The following NFIB variants were observed in gnomAD, a reference collection of about 807,000 sequenced individuals.
NFIB encodes the protein nuclear factor 1 B-type.
A neutral mutation model predicts 61.5 loss-of-function variants in NFIB; 11 were observed. That is an observed-to-expected ratio of 0.18 (90% CI 0.11 to 0.30). NFIB has a LOEUF of 0.30. Ranked by LOEUF, NFIB falls within the 10% of genes least tolerant of loss-of-function variation. The pLI is 1.00. For missense variants in NFIB, 471 were observed against 608.9 expected (o/e 0.77, Z 2.38); for synonymous variants, 260 against 216.5 (o/e 1.20, Z -1.76).
intron 2 of NFIB, among the ~76,000 whole-genome samples, chr9:14,259,504 G>A (rs980489331): frequency 6.6e-6 from 1 of 152,180 alleles, no homozygotes; most frequent in East Asian, 1.9e-4. Context: ...GGTATGAAGA[G>A]GGAGAAGTTT....
At position 14,136,866 on chromosome 9, in the gene NFIB, T is replaced by A. The variant is rs545043600; in HGVS notation, c.925+9823A>T. On this transcript the variant is annotated intron_variant, in intron 6 of 10. Transcript: ENST00000380953. ...ATTACTCTGCACAATATTCTGTTGC[T>A]CTTAATGGAAAAGTAGTCAAAATTG... 9.7e-4 allele frequency among the ~76,000 whole-genome samples: 148 copies of A among 152,304 alleles called. 1 individual carries two copies. Among genetic ancestry groups the A allele is most frequent in the Non-Finnish European group, 1.7e-3 (115 of 68,022 alleles).
the NFIB span, among the ~76,000 whole-genome samples, chr9:14,488,829 T>C: frequency 2.1e-4 from 32 of 152,326 alleles, no homozygotes; most frequent in African/African-American, 7.5e-4. Context: ...CTGAAACTTT[T>C]AAAAAATGAG....
the NFIB span, among the ~76,000 whole-genome samples, chr9:14,426,755 T>G: frequency 6.6e-6 from 1 of 152,174 alleles, no homozygotes; most frequent in African/African-American, 2.4e-5. Context: ...CTTCTCTGAC[T>G]GCTTTGATAT....
chr9:14,444,726 GAA>G, the NFIB span, among the ~76,000 whole-genome samples: 1 of 152,038 alleles, frequency 6.6e-6, no homozygotes, highest in Non-Finnish European at 1.5e-5. Context: ...AAAAAATTGT[GAA>G]ATATGTCAGA....
intron 2 of NFIB, among the ~76,000 whole-genome samples, chr9:14,242,273 A>G (rs2054446350): frequency 6.6e-6 from 1 of 152,246 alleles, no homozygotes; most frequent in Non-Finnish European, 1.5e-5. Context: ...ATTAAAAAAC[A>G]AATTACAAAT....
chr9:14,374,460 GA>G (rs2061394002), intron 1 of NFIB, among the ~76,000 whole-genome samples: 1 of 152,180 alleles, frequency 6.6e-6, no homozygotes, highest in Admixed American at 6.5e-5. Flanking sequence ...ATGTCCCCTA[GA>G]GTCATCTTGT....
intron 3 of NFIB, among the ~76,000 whole-genome samples, chr9:14,172,604 TAAC>T (rs1255561541): frequency 1.3e-5 from 2 of 152,262 alleles, no homozygotes; most frequent in Non-Finnish European, 2.9e-5. Context: ...AATAGGCTTA[TAAC>T]AACATTTGCT....
intron 2 of NFIB, among the ~76,000 whole-genome samples, chr9:14,277,064 G>C (rs2058051687): frequency 6.6e-6 from 1 of 152,064 alleles, no homozygotes; most frequent in Non-Finnish European, 1.5e-5. Context: ...AAAACAAATA[G>C]AATGCTTAAA....
At chr9:14,216,546 C>CTCTCTCTGTGTG (rs2050942500) in intron 2 of NFIB, among the ~76,000 whole-genome samples, 3 of 21,556 alleles carry the variant, frequency 1.4e-4, no homozygotes, top group East Asian at 9.4e-4. Flanking sequence ...CTCTCTCCCT[C>CTCTCTCTGTGTG]TGTGTGTGTG....
chr9:14,485,673 G>A, the NFIB span, among the ~76,000 whole-genome samples: 1 of 152,110 alleles, frequency 6.6e-6, no homozygotes, highest in Admixed American at 6.5e-5. Flanking sequence ...TCAGGAGTTC[G>A]AGACCAGCTT....
chr9:14,114,881 G>T (rs1434234368), intron 9 of NFIB, among the ~76,000 whole-genome samples: 1 of 152,136 alleles, frequency 6.6e-6, no homozygotes, highest in Non-Finnish European at 1.5e-5. Context: ...GACATTGTTT[G>T]CTCAAAGATG....
chr9:14,285,324 T>G (rs1172188191), intron 2 of NFIB, among the ~76,000 whole-genome samples: 2 of 152,158 alleles, frequency 1.3e-5, no homozygotes, highest in East Asian at 3.9e-4. Context: ...GGTTTCACCA[T>G]GTCGGCCAGG....
chr9:14,294,153 G>A (rs545434894), intron 2 of NFIB, among the ~76,000 whole-genome samples: 85 of 152,326 alleles, frequency 5.6e-4, no homozygotes, highest in Admixed American at 1.5e-3. Flanking sequence ...AGGGATTAAT[G>A]TAGTATAACA....
At chr9:14,482,101 C>T in the NFIB span, among the ~76,000 whole-genome samples, 1 of 145,590 alleles carries the variant, frequency 6.9e-6, no homozygotes, top group African/African-American at 2.6e-5. Flanking sequence ...ACCAGACCTT[C>T]CTGAAATGCC....
intron 1 of NFIB, among the ~76,000 whole-genome samples, chr9:14,356,423 G>A (rs1202812054): frequency 6.6e-6 from 1 of 152,136 alleles, no homozygotes; most frequent in Non-Finnish European, 1.5e-5. Flanking sequence ...ACTAGTGTTT[G>A]GGGTTGAGGG....
chr9:14,239,367 C>T (rs2054122700), intron 2 of NFIB, among the ~76,000 whole-genome samples: 1 of 152,106 alleles, frequency 6.6e-6, no homozygotes, highest in African/African-American at 2.4e-5. Flanking sequence ...TGTTCTAAGA[C>T]TATTACTTCA....
chr9:14,306,885 T>G, intron 2 of NFIB, 104 bp downstream of exon 2: 4 of 1,385,688 alleles, frequency 2.9e-6, no homozygotes, highest in Non-Finnish European at 4.0e-6. Context: ...GGGTGGAGGA[T>G]ATCTAGGGGC....
chr9:14,367,603 G>A (rs879873669), intron 1 of NFIB, among the ~76,000 whole-genome samples: 9 of 152,102 alleles, frequency 5.9e-5, no homozygotes, highest in African/African-American at 1.7e-4. Context: ...ATTGATACAT[G>A]AGAGGGCAAA....
In NFIB at chr9:14,390,672, C is replaced by T. The variant is rs747915902; in HGVS notation, c.108+7852G>A. Among the ~76,000 whole-genome samples the T allele has an allele frequency of 3.7e-4, 56 of 152,212 alleles. 1 individual carries two copies. The highest frequency in any genetic ancestry group is 5.0e-4 in the Non-Finnish European group (34 of 68,040). ...TATTAGGTTATGAAAGTGGAGCCCT[C>T]ATGAATGGGATCAGTGCCTTTTTAA... On this transcript the variant is annotated intron_variant, in intron 1 of 8. Coordinates refer to the NFIB transcript ENST00000380934.
Sources: gnomAD v4.1 joint callset for allele counts (sites outside exome capture counted in the v4.1 genomes callset) on GRCh38, gnomAD v4.1.1 for gene constraint, MANE v1.5 for transcripts, NCBI Gene and HGNC (gene_info 2026-07-23, HGNC 2026-07-21) for gene names.